SGMS1: variants seen among roughly 807,000 people sequenced by gnomAD.
The protein encoded by SGMS1 is sphingomyelin synthase 1.
A neutral mutation model predicts 46.2 loss-of-function variants in SGMS1; 13 were observed. That is an observed-to-expected ratio of 0.28 (90% confidence interval 0.18 to 0.45). SGMS1 has a LOEUF of 0.45. Among genes scored for constraint, SGMS1 ranks in the 20% least tolerant of loss-of-function variants. The pLI is 1.00. For synonymous variants in SGMS1, 203 were observed against 187.8 expected (o/e 1.08, Z -0.66); for missense variants, 324 against 519.9 (o/e 0.62, Z 3.66).
At chr10:50,473,119 T>C (rs1055720948) in intron 3 of SGMS1, among the ~76,000 whole-genome samples, 6 of 152,130 alleles carry the variant, frequency 3.9e-5, no homozygotes, top group African/African-American at 1.4e-4. Context: ...TACTAACATG[T>C]TTAGTTTAAC....
At position 50,406,108 on chromosome 10, in the gene SGMS1, T is replaced by C. The variant is rs1849010737; in HGVS notation, c.-232+27368A>G. ...GGCTCTGAGAAGAAGGGTGGTCTTGTTTTTCTCCCTGTGTCAGTTATCAAT... is the reference window on the plus strand; with the variant it reads ...GGCTCTGAGAAGAAGGGTGGTCTTGCTTTTCTCCCTGTGTCAGTTATCAAT... On this transcript the variant is annotated intron_variant, in intron 6 of 10. Coordinates refer to ENST00000361781, the MANE Select transcript of SGMS1 (RefSeq NM_147156.4). 2.6e-5 allele frequency among the ~76,000 whole-genome samples: 4 copies of C among 152,166 alleles called. No homozygotes were observed. In the South Asian group the frequency reaches 8.3e-4, roughly 32 times the overall value.
intron 3 of SGMS1, among the ~76,000 whole-genome samples, chr10:50,495,454 T>C (rs979598276): frequency 2.0e-5 from 3 of 152,122 alleles, no homozygotes; most frequent in Non-Finnish European, 4.4e-5. Context: ...GTTAATCAAG[T>C]TAAATTCTGT....
intron 2 of SGMS1, among the ~76,000 whole-genome samples, chr10:50,541,644 G>A (rs1554791069): frequency 6.6e-6 from 1 of 152,098 alleles, no homozygotes; most frequent in Non-Finnish European, 1.5e-5. Context: ...CAAGACCAGG[G>A]ATGGGGCCAA....
intron 8 of SGMS1, among the ~76,000 whole-genome samples, chr10:50,314,120 C>T (rs187082872): frequency 4.4e-4 from 67 of 151,844 alleles, no homozygotes; most frequent in African/African-American, 1.3e-3. Flanking sequence ...GGAAACAAAA[C>T]TTATCAAAGG....
chr10:50,427,876 A>T (rs1475025698), intron 6 of SGMS1, among the ~76,000 whole-genome samples: 1 of 152,146 alleles, frequency 6.6e-6, no homozygotes, highest in African/African-American at 2.4e-5. Flanking sequence ...ATTCTGATGA[A>T]GGTTGACATC....
intron 1 of SGMS1, among the ~76,000 whole-genome samples, chr10:50,612,067 A>G (rs1178962326): frequency 3.3e-5 from 5 of 152,120 alleles, no homozygotes; most frequent in Admixed American, 1.3e-4. Context: ...CCACTTCCTT[A>G]GGAGATAGTT....
Position 50,527,063 on chromosome 10 carries a change from CAAAAAAAAAA to C in SGMS1, c.-588-7152_-588-7143del, listed in dbSNP as rs573386594. Among the ~76,000 whole-genome samples the C allele has an allele frequency of 4.6e-3, 417 of 90,768 alleles. 6 individuals carry two copies. The highest frequency in any genetic ancestry group is 0.021 in the African/African-American group (372 of 18,034). The allele number at this position is 90,768 out of a possible 152,430, so 59.5% of individuals were successfully genotyped here. A position where few individuals can be genotyped will look rare whatever the true frequency, so the allele number is the denominator to read the frequency against. ...TGGGTGACAGAGTGAGACTCTGTCT[CAAAAAAAAAA>C]AAAAAAAAAAAAAAAAGAAAGAAAG... On this transcript the variant is annotated intron_variant, in intron 2 of 10. Coordinates refer to ENST00000361781, the MANE Select transcript of SGMS1 (RefSeq NM_147156.4).
chr10:50,399,095 G>A (rs892559576), intron 6 of SGMS1, among the ~76,000 whole-genome samples: 4 of 152,020 alleles, frequency 2.6e-5, no homozygotes, highest in Non-Finnish European at 5.9e-5. Flanking sequence ...ACTGGTTTAT[G>A]GTGCTGGTTG....
chr10:50,333,123 T>A (rs1020633283), intron 7 of SGMS1, among the ~76,000 whole-genome samples: 7 of 152,198 alleles, frequency 4.6e-5, no homozygotes, highest in African/African-American at 1.7e-4. Flanking sequence ...TGGTATTTTT[T>A]AATAGTGAGA....
intron 2 of SGMS1, among the ~76,000 whole-genome samples, chr10:50,574,963 GTA>G (rs143713324): frequency 9.1e-4 from 91 of 99,804 alleles, no homozygotes; most frequent in Admixed American, 1.6e-3. Flanking sequence ...AAAATGTGGT[GTA>G]TATATATATA....
intron 6 of SGMS1, among the ~76,000 whole-genome samples, chr10:50,412,545 A>G (rs1435702726): frequency 6.6e-6 from 1 of 152,194 alleles, no homozygotes; most frequent in Admixed American, 6.5e-5. Flanking sequence ...TTGATACACA[A>G]GTGGAAGTGA....
chr10:50,376,160 A>C (rs1848518745), intron 6 of SGMS1, among the ~76,000 whole-genome samples: 1 of 152,234 alleles, frequency 6.6e-6, no homozygotes, highest in Admixed American at 6.5e-5. Context: ...ACAATGTACC[A>C]CAAGCCATGT....
chr10:50,336,134 T>C (rs1481640875), intron 7 of SGMS1: 1 of 151,922 alleles, frequency 6.6e-6, no homozygotes, highest in Non-Finnish European at 1.5e-5. Flanking sequence ...CTGCCCTCGG[T>C]AAACAAAAAG....
intron 3 of SGMS1, among the ~76,000 whole-genome samples, chr10:50,517,239 A>G (rs1837814170): frequency 6.6e-6 from 1 of 152,208 alleles, no homozygotes; most frequent in Non-Finnish European, 1.5e-5. Context: ...TAGACCACCA[A>G]GGATTTCAGA....
chr10:50,523,663 A>T (rs574627235), intron 2 of SGMS1, among the ~76,000 whole-genome samples: 2 of 152,380 alleles, frequency 1.3e-5, no homozygotes, highest in Admixed American at 6.5e-5. Context: ...TCCTTTTCAT[A>T]TAAATCATTT....
At chr10:50,542,727 A>G (rs1282887751) in intron 2 of SGMS1, among the ~76,000 whole-genome samples, 1 of 148,078 alleles carries the variant, frequency 6.8e-6, no homozygotes, top group Non-Finnish European at 1.5e-5. Flanking sequence ...TATATATATT[A>G]TATTATATAT....
intron 6 of SGMS1, among the ~76,000 whole-genome samples, chr10:50,365,911 A>G (rs997222947): frequency 2.6e-5 from 4 of 152,170 alleles, no homozygotes; most frequent in African/African-American, 4.8e-5. Context: ...GTGTCTTTAT[A>G]CTAGAATGAT....
chr10:50,452,900 C>T (rs1322227609), intron 5 of SGMS1, among the ~76,000 whole-genome samples: 1 of 152,080 alleles, frequency 6.6e-6, no homozygotes, highest in Admixed American at 6.6e-5. Context: ...GTTTTGTGGT[C>T]TAAATTTATG....
Position 50,307,231 on chromosome 10 carries a change from C to A in SGMS1, c.1153G>T (p.Val385Leu). 6.2e-7 allele frequency: 1 copy of A among 1,614,114 alleles called. No homozygotes were observed. The highest frequency in any genetic ancestry group is 8.5e-7 in the Non-Finnish European group (1 of 1,179,992). ...QYFEKNVQGI[V>L]PRSYHWPFPW... ...AAAGGCCAATGGTAAGATCGAGGTACAATTCCTTGGACATTCTTTTCAAAG... is the reference window on the plus strand; with the variant it reads ...AAAGGCCAATGGTAAGATCGAGGTAAAATTCCTTGGACATTCTTTTCAAAG... The change falls in exon 11 of 11, where the codon GTA (valine) becomes TTA (leucine). Residue 385 changes from valine to leucine, a missense_variant. Around this residue, in one of 2 missense-constraint regions of SGMS1, gnomAD observed 174 missense variants for 350.1 expected, o/e 0.50. Transcript: ENST00000361781. The surrounding 1 kb of genome is among the most constrained non-coding windows in gnomAD (Gnocchi z 4.2).
Sources: gnomAD v4.1 joint callset for allele counts (sites outside exome capture counted in the v4.1 genomes callset) on GRCh38, gnomAD v4.1.1 for gene constraint, gnomAD v4.1.1 regional missense constraint, Gnocchi (gnomAD v3.1) non-coding constraint, MANE v1.5 for transcripts, NCBI Gene and HGNC (gene_info 2026-07-23, HGNC 2026-07-21) for gene names.